The following DNAI7 variants were observed in gnomAD, a reference collection of about 807,000 sequenced individuals.
The protein encoded by DNAI7 is cancer susceptibility 1.
DNAI7 carries 78 observed loss-of-function variants against 86.6 expected under a neutral mutation model. That is an observed-to-expected ratio of 0.90 (90% confidence interval 0.75 to 1.09). The LOEUF (loss-of-function observed/expected upper bound fraction) is 1.09. Among genes scored for constraint, DNAI7 ranks in the 50% least tolerant of loss-of-function variants. The probability of loss-of-function intolerance (pLI) is 0.00; values close to 1 mark genes in which losing one functional copy is unlikely to be tolerated. For synonymous variants in DNAI7, 274 were observed against 273.0 expected (o/e 1.00, Z -0.04); for missense variants, 753 against 810.2 (o/e 0.93, Z 0.86).
intron 2 of DNAI7, among the ~76,000 whole-genome samples, chr12:25,175,049 A>G (rs1298505766): frequency 6.6e-6 from 1 of 152,046 alleles, no homozygotes; most frequent in South Asian, 2.1e-4. Flanking sequence ...AAATCTCACA[A>G]ATCACCACTA....
chr12:25,168,300 A>G (rs1224840129), intron 2 of DNAI7, among the ~76,000 whole-genome samples: 1 of 152,116 alleles, frequency 6.6e-6, no homozygotes, highest in African/African-American at 2.4e-5. Context: ...CTTACTCCCA[A>G]AATTCAATTT....
Position 25,194,585 on chromosome 12 carries a change from TATC to T in DNAI7, c.3+488_3+490del, listed in dbSNP as rs1361409188. Among the ~76,000 whole-genome samples, 12 of 152,296 alleles carry T rather than the reference TATC, an allele frequency of 7.9e-5. No homozygotes were observed. In the East Asian group the frequency reaches 1.3e-3, roughly 17 times the overall value. ...TGCAGAAAAACAAAATGAGAAGCCTTATCATATTTAACTAATGCAGGATGAGAA... is the reference window on the plus strand; with the variant it reads ...TGCAGAAAAACAAAATGAGAAGCCTTATATTTAACTAATGCAGGATGAGAA... On this transcript the variant is annotated intron_variant, in intron 1 of 15. Transcript: ENST00000395987.
At chr12:25,116,031 T>C (rs1940009522) in intron 12 of DNAI7, among the ~76,000 whole-genome samples, 1 of 152,088 alleles carries the variant, frequency 6.6e-6, no homozygotes, top group African/African-American at 2.4e-5. Flanking sequence ...CTCCTACAAC[T>C]TTTGAAACTC....
intron 1 of DNAI7, among the ~76,000 whole-genome samples, chr12:25,193,623 G>A (rs1031269420): frequency 1.3e-5 from 2 of 152,150 alleles, no homozygotes; most frequent in African/African-American, 2.4e-5. Context: ...CAAGTACTCC[G>A]GGTGCATTAG....
At chr12:25,179,891 G>A (rs1035152226) in intron 2 of DNAI7, among the ~76,000 whole-genome samples, 1 of 152,070 alleles carries the variant, frequency 6.6e-6, no homozygotes, top group Non-Finnish European at 1.5e-5. Context: ...ACATGAAAAG[G>A]GTGTCCACTC....
intron 9 of DNAI7, among the ~76,000 whole-genome samples, chr12:25,139,797 T>G (rs1414544178): frequency 6.6e-6 from 1 of 152,122 alleles, no homozygotes; most frequent in Non-Finnish European, 1.5e-5. Flanking sequence ...TGTATACCTA[T>G]GCAACAAACC....
chr12:25,176,096 C>A (rs1274620850), intron 2 of DNAI7, among the ~76,000 whole-genome samples: 1 of 150,290 alleles, frequency 6.7e-6, no homozygotes, highest in East Asian at 1.9e-4. Flanking sequence ...AGGGATATAT[C>A]CAATAGAATC....
At position 25,111,855 on chromosome 12, in the gene DNAI7, G is replaced by C. The variant is rs1272094955; in HGVS notation, c.1696C>G (p.Pro566Ala). ...ILEGTWMTPIPFIIALKEAGL... is the reference protein window; with the variant it reads ...ILEGTWMTPIAFIIALKEAGL... ...GCTTCTTTCAAAGCAATAATGAAAGGAATAGGAGTCATCCAGGTTCCTTCC... is the reference window on the plus strand; with the variant it reads ...GCTTCTTTCAAAGCAATAATGAAAGCAATAGGAGTCATCCAGGTTCCTTCC... The change falls in exon 14 of 16, where the codon CCT (proline) becomes GCT (alanine). Residue 566 changes from proline (P) to alanine (A), a missense_variant. Pro to Ala is a conservative substitution (Grantham distance 27). Transcript: ENST00000395987. 3.7e-6 allele frequency: 6 copies of C among 1,605,286 alleles called. No individual in the cohort carries two copies. In the South Asian group the frequency reaches 4.4e-5, roughly 12 times the overall value.
chr12:25,160,256 C>T (rs534474596), intron 3 of DNAI7, among the ~76,000 whole-genome samples: 66 of 152,286 alleles, frequency 4.3e-4, no homozygotes, highest in Non-Finnish European at 7.5e-4. Context: ...ATGGGATGCT[C>T]AGTTGAATTT....
Position 25,117,944 on chromosome 12 carries a change from T to C in DNAI7, c.1396+1201A>G, listed in dbSNP as rs75365805. 4.2e-5 allele frequency among the ~76,000 whole-genome samples: 6 copies of C among 142,070 alleles called. No homozygotes were observed. In the South Asian group the frequency reaches 1.1e-3, roughly 25 times the overall value. The allele number at this position is 142,070 out of a possible 152,430, so 93.2% of individuals were successfully genotyped here. On this transcript the variant is annotated intron_variant, in intron 12 of 15. Transcript: ENST00000395987. ...ATTTTGATATTTTCTTTTTCTTTTT[T>C]TTTTTTTTTTTGAGACGGAGGGAGT...
rs1939741579 is a variant in DNAI7 at position 25,114,814 on chromosome 12, G to A, written c.1453C>T (p.Leu485Phe). ...SNVSYKPKER[L>F]VTFSLDTFGP... Reference sequence around the variant, plus strand: ...AAGGTGTCCAGGCTGAATGTTACAAGTCTTTCTTTTGGTTTGTAGGATACA... The same window carrying A: ...AAGGTGTCCAGGCTGAATGTTACAAATCTTTCTTTTGGTTTGTAGGATACA... Residue 485 changes from leucine to phenylalanine, a missense_variant, in exon 13 of 16, where the codon CTT (leucine) becomes TTT (phenylalanine). Transcript: ENST00000395987. 1.2e-6 allele frequency: 2 copies of A among 1,613,996 alleles called. No homozygotes were observed. The highest frequency in any genetic ancestry group is 1.7e-6 in the Non-Finnish European group (2 of 1,179,948).
chr12:25,163,716 C>T (rs1378062234), intron 2 of DNAI7, among the ~76,000 whole-genome samples: 1 of 152,202 alleles, frequency 6.6e-6, no homozygotes, highest in African/African-American at 2.4e-5. Flanking sequence ...TCACCTACGA[C>T]CTCTGGTCCT....
intron 13 of DNAI7, among the ~76,000 whole-genome samples, 179 bp from the exon 14 acceptor site, chr12:25,112,118 CATGTT>C (rs1322611086): frequency 6.6e-6 from 1 of 152,184 alleles, no homozygotes; most frequent in Non-Finnish European, 1.5e-5. Context: ...ACAAAGTCCC[CATGTT>C]ATGTTAAGCA....
rs1565714314 is a variant in DNAI7 at position 25,144,553 on chromosome 12, CAG to C, written c.812_813del (p.Pro271ArgfsTer14). The C allele has an allele frequency of 6.2e-7, 1 of 1,614,092 alleles. No individual in the cohort carries two copies. Among genetic ancestry groups the C allele is most frequent in the East Asian group, 2.2e-5 (1 of 44,876 alleles). On this transcript the variant is annotated frameshift_variant, in exon 9 of 16. Transcript: ENST00000395987. LOFTEE classifies it high-confidence loss of function. ...THYDHVSALH[P>X]VSTPSKEYTS... is the part of the protein sequence containing the mutation. ...GTGTATTCTTTTGATGGTGTTGAAA[CAG>C]GGTGCAGTGCAGAAACATGATCATA...
intron 13 of DNAI7, among the ~76,000 whole-genome samples, chr12:25,113,093 A>T (rs1939285680): frequency 6.6e-6 from 1 of 152,178 alleles, no homozygotes; most frequent in African/African-American, 2.4e-5. Context: ...GGAAGCCTGA[A>T]AGGAGGCTCC....
intron 13 of DNAI7, among the ~76,000 whole-genome samples, chr12:25,112,550 G>A (rs946779200): frequency 8.3e-4 from 126 of 151,712 alleles, no homozygotes; most frequent in Non-Finnish European, 1.8e-4. Flanking sequence ...GGGACTACAG[G>A]CGCCCACCAC....
At chr12:25,155,972 G>C (rs955657781) in intron 4 of DNAI7, among the ~76,000 whole-genome samples, 1 of 152,186 alleles carries the variant, frequency 6.6e-6, no homozygotes, top group Non-Finnish European at 1.5e-5. Flanking sequence ...GGGTATGGTG[G>C]CGTGTGCCTG....
chr12:25,110,966 C>T (rs1287049386), intron 14 of DNAI7, among the ~76,000 whole-genome samples: 1 of 152,124 alleles, frequency 6.6e-6, no homozygotes, highest in African/African-American at 2.4e-5. Context: ...GAGCAGAACA[C>T]TACATTCAAC....
At chr12:25,165,017 A>G (rs966523873) in intron 2 of DNAI7, among the ~76,000 whole-genome samples, 1 of 152,108 alleles carries the variant, frequency 6.6e-6, no homozygotes, top group Non-Finnish European at 1.5e-5. Context: ...TTTATCCCAA[A>G]TCAGATAGTG....
Sources: allele counts gnomAD v4.1 joint callset (sites outside exome capture counted in the v4.1 genomes callset), GRCh38; gene constraint gnomAD v4.1.1; transcripts MANE v1.5; gene names NCBI Gene and HGNC (gene_info 2026-07-23, HGNC 2026-07-21).